FAM168B: variants seen among roughly 807,000 people sequenced by gnomAD.
FAM168B encodes myelin-associated neurite-outgrowth inhibitor.
In FAM168B, 19 loss-of-function variants were observed where a neutral mutation model predicts 21.8. That is an observed-to-expected ratio of 0.87 (90% CI 0.61 to 1.28). The LOEUF is 1.28. Among genes scored for constraint, FAM168B ranks in the 50% most tolerant of loss-of-function variants. The probability of loss-of-function intolerance (pLI) is 0.00; values close to 1 mark genes in which losing one functional copy is unlikely to be tolerated. For missense variants in FAM168B, 233 were observed against 263.1 expected (o/e 0.89, Z 0.79); for synonymous variants, 126 against 104.8 (o/e 1.20, Z -1.24).
intron 1 of FAM168B, among the ~76,000 whole-genome samples, chr2:131,086,380 C>T (rs754955565): frequency 5.3e-5 from 8 of 152,086 alleles, no homozygotes; most frequent in Non-Finnish European, 1.2e-4. Context: ...TCTGGAAAAG[C>T]GCTGTCCAAC....
intron 3 of FAM168B, among the ~76,000 whole-genome samples, chr2:131,056,673 C>T (rs186251477): frequency 2.0e-5 from 3 of 152,218 alleles, no homozygotes; most frequent in East Asian, 3.9e-4. Context: ...TGGCAATGGC[C>T]CAGATGCCCA....
At chr2:131,091,628 C>A (rs1694035244) in intron 1 of FAM168B, among the ~76,000 whole-genome samples, 1 of 150,502 alleles carries the variant, frequency 6.6e-6, no homozygotes, top group South Asian at 2.1e-4. Context: ...GCCTGGGCGA[C>A]AGAGCGACAC....
At chr2:131,088,716 A>G (rs1182937879) in intron 1 of FAM168B, among the ~76,000 whole-genome samples, 1 of 152,246 alleles carries the variant, frequency 6.6e-6, no homozygotes. Flanking sequence ...AAAAGAGCAA[A>G]TAATCTCTAC....
In FAM168B at chr2:131,052,209, C is replaced by T. The variant is rs1481962780; in HGVS notation, c.*256G>A. 1.6e-5 allele frequency: 16 copies of T among 985,642 alleles called. No individual in the cohort carries two copies. Among genetic ancestry groups the T allele is most frequent in the East Asian group, 1.1e-4 (1 of 8,818 alleles). The allele number at this position is 985,642 out of a possible 1,614,324, so 61.1% of individuals were successfully genotyped here. ...AGATATGATTCAGAATAGATTAATA[C>T]TCCCTTTTTATCATTACAGTTAGCT... On this transcript the variant is annotated 3_prime_UTR_variant, in exon 7 of 7. Coordinates refer to ENST00000389915, the MANE Select transcript of FAM168B (RefSeq NM_001009993.4).
At chr2:131,073,469 C>T (rs935026247) in intron 2 of FAM168B, among the ~76,000 whole-genome samples, 1 of 152,278 alleles carries the variant, frequency 6.6e-6, no homozygotes, top group East Asian at 1.9e-4. Context: ...CCAAAGCTCA[C>T]GTTAAAATTT....
intron 2 of FAM168B, among the ~76,000 whole-genome samples, chr2:131,074,278 G>A (rs889821557): frequency 3.9e-5 from 6 of 152,104 alleles, no homozygotes; most frequent in Non-Finnish European, 5.9e-5. Context: ...TCGGGCACAC[G>A]CCACCATGTC....
In FAM168B at chr2:131,049,053, C is replaced by T; in HGVS notation, c.*3412G>A. ...GACACCAATACTTACATAACTAGTA[C>T]ATGTTGGCCTTTCACCAGCACTCAC... On this transcript the variant is annotated 3_prime_UTR_variant, in exon 7 of 7. Coordinates refer to ENST00000389915, the MANE Select transcript of FAM168B (RefSeq NM_001009993.4). 1 of 985,432 alleles carries T rather than the reference C, an allele frequency of 1.0e-6. No individual in the cohort carries two copies. Among genetic ancestry groups the T allele is most frequent in the South Asian group, 4.7e-5 (1 of 21,290 alleles). 61.0% of individuals were successfully genotyped at this position (985,432 alleles called of 1,614,324 possible).
chr2:131,053,577 T>C (rs1477746865), intron 5 of FAM168B, among the ~76,000 whole-genome samples: 4 of 152,182 alleles, frequency 2.6e-5, no homozygotes, highest in African/African-American at 9.7e-5. Flanking sequence ...TGAACCGTAC[T>C]TAAAAAGGGT....
Position 131,052,028 on chromosome 2 carries a change from G to C in FAM168B, c.*437C>G. On this transcript the variant is annotated 3_prime_UTR_variant, in exon 7 of 7. Coordinates refer to ENST00000389915, the MANE Select transcript of FAM168B (RefSeq NM_001009993.4). ...GAAATTCACTTTAACACTTATAACT[G>C]TAAGACTTTGCATACATTACAACAG... The C allele has an allele frequency of 1.0e-6, 1 of 985,632 alleles. No homozygotes were observed. Among genetic ancestry groups the C allele is most frequent in the Non-Finnish European group, 1.2e-6 (1 of 829,892 alleles). The allele number at this position is 985,632 out of a possible 1,614,324, so 61.1% of individuals were successfully genotyped here. A position where few individuals can be genotyped will look rare whatever the true frequency, so the allele number is the denominator to read the frequency against.
Position 131,050,123 on chromosome 2 carries a change from T to C in FAM168B, c.*2342A>G. Reference sequence around the variant, plus strand: ...AAAGTGTTTATGAAGCTGATGTAAATGGCGTGTGGGGGGTGCAGCCCACTC... The same window carrying C: ...AAAGTGTTTATGAAGCTGATGTAAACGGCGTGTGGGGGGTGCAGCCCACTC... On this transcript the variant is annotated 3_prime_UTR_variant, in exon 7 of 7. Transcript: ENST00000389915. 1 of 985,412 alleles carries C rather than the reference T, an allele frequency of 1.0e-6. No homozygotes were observed. 61.0% of individuals were successfully genotyped at this position (985,412 alleles called of 1,614,324 possible).
Position 131,050,775 on chromosome 2 carries a change from G to C in FAM168B, c.*1690C>G, listed in dbSNP as rs117566269. 301 of 985,442 alleles carry C rather than the reference G, an allele frequency of 3.1e-4. 3 individuals carry two copies. The East Asian group carries it at 0.017, about 55-fold the overall frequency. 61.0% of individuals were successfully genotyped at this position (985,442 alleles called of 1,614,324 possible). On this transcript the variant is annotated 3_prime_UTR_variant, in exon 7 of 7. Transcript: ENST00000389915. The stretch of plus-strand genomic sequence containing the variant: ...TAGTGGGCATCCTCACTGGGCGCCA[G>C]TGCCCTGACCCAGCTACCAGCAAAT...
chr2:131,085,661 A>G (rs1573820236), intron 1 of FAM168B, among the ~76,000 whole-genome samples: 1 of 152,340 alleles, frequency 6.6e-6, no homozygotes, highest in East Asian at 1.9e-4. Context: ...GGATTAAATC[A>G]GGAATAAACT....
chr2:131,077,609 T>C (rs1443303161), intron 2 of FAM168B, among the ~76,000 whole-genome samples: 2 of 152,232 alleles, frequency 1.3e-5, no homozygotes, highest in Non-Finnish European at 2.9e-5. Context: ...TACAGCCTTG[T>C]TGACCTGGGC....
At chr2:131,082,075 A>G (rs191445652) in intron 2 of FAM168B, among the ~76,000 whole-genome samples, 8 of 152,310 alleles carry the variant, frequency 5.3e-5, no homozygotes, top group Admixed American at 2.6e-4. Context: ...CTTGCAGTCC[A>G]TATTTGACTA....
chr2:131,092,251 T>G (rs1225874419), intron 1 of FAM168B, among the ~76,000 whole-genome samples: 1 of 152,190 alleles, frequency 6.6e-6, no homozygotes, highest in Non-Finnish European at 1.5e-5. Flanking sequence ...TAAGCCTGCT[T>G]TGTAAAGACA....
intron 2 of FAM168B, among the ~76,000 whole-genome samples, chr2:131,079,855 G>C (rs1027178512): frequency 1.3e-5 from 2 of 152,114 alleles, no homozygotes; most frequent in Admixed American, 6.5e-5. Flanking sequence ...AGTGGCTCAC[G>C]CTTGTAATCC....
rs1433599166 is a variant in FAM168B at position 131,069,077 on chromosome 2, G to C, written c.154+2778C>G. Among the ~76,000 whole-genome samples the C allele has an allele frequency of 3.9e-5, 6 of 152,358 alleles. No individual in the cohort carries two copies. The East Asian group carries it at 9.6e-4, about 24-fold the overall frequency. ...GGTGGCCCCCACAGGCACCCAAGGG[G>C]GGAAGGTGTCAGCAGCACTCAGTCT... On this transcript the variant is annotated intron_variant, in intron 3 of 6. Coordinates refer to ENST00000389915, the MANE Select transcript of FAM168B (RefSeq NM_001009993.4).
Position 131,055,546 on chromosome 2 carries a change from A to C in FAM168B, c.297+7T>G, listed in dbSNP as rs764862740. 1 of 1,603,956 alleles carries C rather than the reference A, an allele frequency of 6.2e-7. No individual in the cohort carries two copies. ...CTTCCCACACAGCAGTGTGTACCCAAGCATACCTGTGCATACGGGCTCTGC... is the reference window on the plus strand; with the variant it reads ...CTTCCCACACAGCAGTGTGTACCCACGCATACCTGTGCATACGGGCTCTGC... On this transcript the variant is annotated splice_region_variant and intron_variant, in intron 4 of 6. Transcript: ENST00000389915.
In FAM168B at chr2:131,049,139, CGCAAGTT is replaced by C; in HGVS notation, c.*3319_*3325del. 1 of 985,418 alleles carries C rather than the reference CGCAAGTT, an allele frequency of 1.0e-6. No homozygotes were observed. The highest frequency in any genetic ancestry group is 1.2e-6 in the Non-Finnish European group (1 of 829,940). 61.0% of individuals were successfully genotyped at this position (985,418 alleles called of 1,614,324 possible). ...CCAACACTGACAGGTATTAGTACGT[CGCAAGTT>C]GCTGTAATAATGTATTTCCTCTCGT... On this transcript the variant is annotated 3_prime_UTR_variant, in exon 7 of 7. Coordinates refer to ENST00000389915, the MANE Select transcript of FAM168B (RefSeq NM_001009993.4).
Sources: gnomAD v4.1 joint callset for allele counts (sites outside exome capture counted in the v4.1 genomes callset) on GRCh38, gnomAD v4.1.1 for gene constraint, MANE v1.5 for transcripts, NCBI Gene and HGNC (gene_info 2026-07-23, HGNC 2026-07-21) for gene names.